RORA: variants seen among roughly 807,000 people sequenced by gnomAD.
RORA encodes nuclear receptor ROR-alpha.
A neutral mutation model predicts 69.5 loss-of-function variants in RORA; 7 were observed. That is an observed-to-expected ratio of 0.10 (90% CI 0.06 to 0.19). The LOEUF is 0.19. RORA is among the 10% of genes least tolerant of loss of function. The pLI is 1.00. For missense variants in RORA, 457 were observed against 663.0 expected (o/e 0.69, Z 3.41); for synonymous variants, 261 against 240.8 (o/e 1.08, Z -0.78).
intron 1 of RORA, among the ~76,000 whole-genome samples, chr15:61,174,512 G>A (rs139689781): frequency 3.3e-5 from 5 of 152,194 alleles, no homozygotes; most frequent in South Asian, 2.1e-4. Context: ...AAAGAGGGGC[G>A]GGAAATGTGA....
chr15:60,728,501 C>G (rs2019297781), intron 1 of RORA, among the ~76,000 whole-genome samples: 1 of 152,132 alleles, frequency 6.6e-6, no homozygotes, highest in Non-Finnish European at 1.5e-5. Context: ...TTCATTTCCA[C>G]TTAAAAATAT....
At chr15:60,777,287 C>T (rs936722330) in intron 1 of RORA, among the ~76,000 whole-genome samples, 9 of 152,126 alleles carry the variant, frequency 5.9e-5, no homozygotes, top group Non-Finnish European at 5.9e-5. Flanking sequence ...CAGGAAGAAA[C>T]ACGGATACGG....
intron 1 of RORA, among the ~76,000 whole-genome samples, chr15:60,835,741 C>A (rs8037869): frequency 0.036 from 5,471 of 152,298 alleles, 154 homozygotes; most frequent in African/African-American, 0.069. Flanking sequence ...TACATTTGAA[C>A]TCAAGCTATT....
chr15:60,706,123 G>A (rs1252335650), intron 1 of RORA: 5 of 152,192 alleles, frequency 3.3e-5, no homozygotes, highest in Non-Finnish European at 7.3e-5. Flanking sequence ...AATCAATTGA[G>A]TTTGAGCAAA....
At chr15:61,200,756 G>T (rs1452246226) in intron 1 of RORA, among the ~76,000 whole-genome samples, 1 of 152,130 alleles carries the variant, frequency 6.6e-6, no homozygotes, top group Non-Finnish European at 1.5e-5. Context: ...GCACTTAATT[G>T]AGTGAAAAAA....
At chr15:60,852,554 C>T (rs980043519) in intron 1 of RORA, among the ~76,000 whole-genome samples, 3 of 152,134 alleles carry the variant, frequency 2.0e-5, no homozygotes, top group Admixed American at 1.3e-4. Context: ...TAGTCAGCTT[C>T]GCTTTGACAA....
intron 1 of RORA, among the ~76,000 whole-genome samples, chr15:60,890,567 G>A (rs1277162903): frequency 6.6e-6 from 1 of 152,192 alleles, no homozygotes; most frequent in Non-Finnish European, 1.5e-5. Context: ...CGCCCTGCTC[G>A]GGGCCCCTTC....
At chr15:60,836,506 A>G (rs1239849923) in intron 1 of RORA, among the ~76,000 whole-genome samples, 4 of 152,016 alleles carry the variant, frequency 2.6e-5, no homozygotes, top group Admixed American at 1.3e-4. Context: ...CATGCTCCAC[A>G]CTTTCCCTGG....
intron 1 of RORA, among the ~76,000 whole-genome samples, chr15:61,217,435 C>CAG (rs35725735): frequency 0.19 from 28,209 of 151,602 alleles, 2,914 homozygotes; most frequent in African/African-American, 0.27. Context: ...TTTCAATGAG[C>CAG]AGAGAGAGAG....
chr15:61,201,046 C>T (rs1440511218), intron 1 of RORA, among the ~76,000 whole-genome samples: 2 of 152,220 alleles, frequency 1.3e-5, no homozygotes. Context: ...CTAAATTAGG[C>T]TGCACAACAA....
intron 1 of RORA, among the ~76,000 whole-genome samples, chr15:60,802,229 C>T (rs903549595): frequency 6.6e-6 from 1 of 152,206 alleles, no homozygotes; most frequent in Non-Finnish European, 1.5e-5. Flanking sequence ...CCGTTACAAC[C>T]TTCTGGTCAA....
At chr15:60,874,644 C>A in intron 1 of RORA, among the ~76,000 whole-genome samples, 1 of 152,248 alleles carries the variant, frequency 6.6e-6, no homozygotes, top group East Asian at 1.9e-4. Flanking sequence ...TATAAAATTT[C>A]TTCTTAATCA....
At chr15:60,716,048 A>G (rs2071214477) in intron 1 of RORA, among the ~76,000 whole-genome samples, 1 of 152,212 alleles carries the variant, frequency 6.6e-6, no homozygotes, top group South Asian at 2.1e-4. Flanking sequence ...TCAAAGTTTA[A>G]TGTGCATACG....
At chr15:61,174,440 C>T (rs144276231) in intron 1 of RORA, among the ~76,000 whole-genome samples, 82 of 152,296 alleles carry the variant, frequency 5.4e-4, no homozygotes, top group African/African-American at 1.8e-3. Context: ...CACTGGCAAC[C>T]GCAAGTAGCC....
chr15:61,035,856 C>A (rs1398545902), intron 1 of RORA, among the ~76,000 whole-genome samples: 2 of 152,096 alleles, frequency 1.3e-5, no homozygotes, highest in Admixed American at 1.3e-4. Flanking sequence ...AATCTATTAA[C>A]CCATAGGCAT....
chr15:60,840,361 C>T (rs1237029744), intron 1 of RORA, among the ~76,000 whole-genome samples: 1 of 152,250 alleles, frequency 6.6e-6, no homozygotes, highest in African/African-American at 2.4e-5. Context: ...GAGAGCTCAA[C>T]ATGGGGCCAG....
intron 1 of RORA, among the ~76,000 whole-genome samples, chr15:60,718,625 A>T (rs182063472): frequency 1.3e-5 from 2 of 152,184 alleles, no homozygotes; most frequent in Non-Finnish European, 1.5e-5. Context: ...TTAAAAGACT[A>T]ACTAGAGCCA....
At chr15:60,980,321 A>G (rs1240001044) in intron 1 of RORA, among the ~76,000 whole-genome samples, 2 of 152,102 alleles carry the variant, frequency 1.3e-5, no homozygotes. Flanking sequence ...TATTCATAAG[A>G]GATATTAGCC....
At chr15:60,528,166 C>T (rs1356856402) in intron 3 of RORA, 1 of 152,362 alleles carries the variant, frequency 6.6e-6, no homozygotes, top group African/African-American at 2.4e-5. Flanking sequence ...AGCAATCCTC[C>T]TGCTTCAGCC....
Sources: gnomAD v4.1 joint callset for allele counts (sites outside exome capture counted in the v4.1 genomes callset) on GRCh38, gnomAD v4.1.1 for gene constraint, MANE v1.5 for transcripts, NCBI Gene and HGNC (gene_info 2026-07-23, HGNC 2026-07-21) for gene names.